Variants in ZBTB10 observed in about 807,000 individuals in gnomAD.
ZBTB10 encodes the protein zinc finger and BTB domain containing 10.
A neutral mutation model predicts 76.4 loss-of-function variants in ZBTB10; 32 were observed. The ratio of observed to expected loss-of-function variants is 0.42; its 90% CI spans 0.32 to 0.56. The LOEUF (loss-of-function observed/expected upper bound fraction) is 0.56, where lower values mean the gene tolerates loss of function less well. Among genes scored for constraint, ZBTB10 ranks in the 20% least tolerant of loss-of-function variants. The probability of loss-of-function intolerance (pLI) is 0.14; values close to 1 mark genes in which losing one functional copy is unlikely to be tolerated. For synonymous variants in ZBTB10, 523 were observed against 432.9 expected, an observed-to-expected ratio of 1.21 and a Z score of -2.58; for missense variants, 1,057 against 1,098.5, an observed-to-expected ratio of 0.96 and a Z score of 0.53.
At position 80,518,431 on chromosome 8, in the gene ZBTB10, G is replaced by T; in HGVS notation, c.1989G>T (p.Leu663Phe). ...AGTSHDFKYG[L>F]MPGPSNDFKY... ...CTTCACATGATTTCAAGTATGGTTT[G>T]ATGCCTGGTCCTTCAAATGATTTCA... Residue 663 changes from leucine to phenylalanine, a missense_variant, in exon 4 of 6, where the codon TTG becomes TTT. Physicochemically the swap from Leu to Phe is conservative, Grantham distance 22. Around this residue, in one of 5 missense-constraint regions of ZBTB10, gnomAD observed 306 missense variants for 297.5 expected, o/e 1.03. Coordinates refer to ENST00000455036, the MANE Select transcript of ZBTB10 (RefSeq NM_001105539.3). 1 of 1,551,812 alleles carries T rather than the reference G, an allele frequency of 6.4e-7. No homozygotes were observed. Among genetic ancestry groups the T allele is most frequent in the East Asian group, 2.4e-5 (1 of 41,270 alleles).
chr8:80,506,474 C>CT (rs1187691431), intron 2 of ZBTB10, among the ~76,000 whole-genome samples: 2 of 151,492 alleles, frequency 1.3e-5, no homozygotes, highest in Non-Finnish European at 2.9e-5. Context: ...GCCACCATGT[C>CT]TGGCCAATTT....
At chr8:80,487,918 G>C in intron 1 of ZBTB10, 136 bp downstream of exon 1, 3 of 1,072,026 alleles carry the variant, frequency 2.8e-6, no homozygotes, top group Non-Finnish European at 3.9e-6. Context: ...CAGTTGAGAG[G>C]TGCGGGAAGC....
chr8:80,497,018 T>A (rs1815799827), intron 1 of ZBTB10, among the ~76,000 whole-genome samples: 1 of 152,204 alleles, frequency 6.6e-6, no homozygotes, highest in Non-Finnish European at 1.5e-5. Flanking sequence ...TTGTAATTTC[T>A]ATAGAGAGCA....
In ZBTB10 at chr8:80,487,097, TC is replaced by T; in HGVS notation, c.292del (p.Gln98LysfsTer18). On this transcript the variant is annotated frameshift_variant, in exon 1 of 6. Coordinates refer to ENST00000455036, the MANE Select transcript of ZBTB10 (RefSeq NM_001105539.3). LOFTEE classifies it high-confidence loss of function. ...GCCGAGGAAGCCAAGGAGTTGCTGCTCCCCCAAGACGCGGGCGGCCCCACCT... is the reference window on the plus strand; with the variant it reads ...GCCGAGGAAGCCAAGGAGTTGCTGCTCCCCAAGACGCGGGCGGCCCCACCT... ...GAAEEAKELL[L>X]PQDAGGPTSL... 1.3e-6 allele frequency: 2 copies of T among 1,516,296 alleles called. No homozygotes were observed. 93.9% of individuals were successfully genotyped at this position (1,516,296 alleles called of 1,614,324 possible).
rs1816262335 is a variant in ZBTB10, at chr8:80,513,943, G to A, written c.1895G>A (p.Gly632Asp). The change falls in exon 3 of 6, where the codon GGT (glycine) becomes GAT (aspartate). Residue 632 changes from glycine to aspartate, a missense_variant. By Grantham distance (94) the Gly-to-Asp change is moderately conservative. Coordinates refer to ENST00000455036, the MANE Select transcript of ZBTB10 (RefSeq NM_001105539.3). ...LDGALLSGPD[G>D]DRNVNANLLA... ...GGTGCTCTACTCTCGGGGCCAGATG[G>A]TGATAGGAATGTGAATGCAAATTTA... 1.2e-6 allele frequency: 2 copies of A among 1,613,616 alleles called. No homozygotes were observed.
chr8:80,493,074 C>T (rs1016794420), intron 1 of ZBTB10, among the ~76,000 whole-genome samples: 2 of 151,618 alleles, frequency 1.3e-5, no homozygotes, highest in Admixed American at 6.6e-5. Context: ...ATAAGCCAGG[C>T]GTGGTGGCAG....
chr8:80,508,268 T>C (rs1362919785), intron 2 of ZBTB10, among the ~76,000 whole-genome samples: 2 of 152,222 alleles, frequency 1.3e-5, no homozygotes, highest in Non-Finnish European at 2.9e-5. Flanking sequence ...AAGTTTTTTA[T>C]AGAACTGAAT....
upstream of ZBTB10, chr8:80,486,054 C>G: frequency 9.5e-7 from 1 of 1,047,662 alleles, no homozygotes; most frequent in South Asian, 1.8e-5. Flanking sequence ...CGGCCGCACC[C>G]CCGCCCCCAG....
intron 2 of ZBTB10, among the ~76,000 whole-genome samples, chr8:80,513,702 C>T (rs1198106286): frequency 2.6e-5 from 4 of 151,986 alleles, no homozygotes; most frequent in African/African-American, 9.7e-5. Context: ...CTAATTTACC[C>T]TGGTTCTACA....
intron 2 of ZBTB10, among the ~76,000 whole-genome samples, chr8:80,510,942 C>T (rs1204236216): frequency 3.3e-5 from 5 of 152,072 alleles, no homozygotes; most frequent in African/African-American, 1.2e-4. Flanking sequence ...TCATTCGTGT[C>T]AATTAAGTGG....
At chr8:80,519,001 T>C (rs1175606222) in intron 5 of ZBTB10, 47 bp downstream of exon 5, 2 of 1,531,414 alleles carry the variant, frequency 1.3e-6, no homozygotes, top group Non-Finnish European at 1.8e-6. Flanking sequence ...ACTATATTTA[T>C]GTCAGTGAAG....
chr8:80,522,319 G>A lies in ZBTB10; in HGVS notation c.*2791G>A, dbSNP rs1050853753. The stretch of plus-strand genomic sequence containing the variant: ...CTGGCAGAATTATGTTACACATTTG[G>A]CGAAGTTGTCTCTTGTAATTTATAT... On this transcript the variant is annotated 3_prime_UTR_variant, in exon 6 of 6. Transcript: ENST00000455036. 1.3e-5 allele frequency: 2 copies of A among 151,752 alleles called. No homozygotes were observed. Among genetic ancestry groups the A allele is most frequent in the Non-Finnish European group, 2.9e-5 (2 of 67,812 alleles). The allele number at this position is 151,752 out of a possible 1,614,324, so 9.4% of individuals were successfully genotyped here. A position where few individuals can be genotyped will look rare whatever the true frequency, so the allele number is the denominator to read the frequency against.
chr8:80,487,292 T>G lies in ZBTB10; in HGVS notation c.482T>G (p.Val161Gly), dbSNP rs185916023. The change falls in exon 1 of 6, where the codon GTG becomes GGG. Residue 161 changes from valine to glycine, a missense_variant. By Grantham distance (109) the Val-to-Gly change is moderately radical (BLOSUM62 -3). This residue lies in a region of ZBTB10 where 556 missense variants were observed against 451.7 expected (regional missense o/e 1.23). Transcript: ENST00000455036. ...TTCAATGGGCGAGGGCCGGCGACTGTGGATCTGGAGCTGGACGCGCTGGAG... is the reference window on the plus strand; with the variant it reads ...TTCAATGGGCGAGGGCCGGCGACTGGGGATCTGGAGCTGGACGCGCTGGAG... The part of the protein sequence containing the change: ...RHFNGRGPAT[V>G]DLELDALEGK... The G allele has an allele frequency of 4.9e-3, 7,584 of 1,548,806 alleles. 28 individuals are homozygous for G. The highest frequency in any genetic ancestry group is 6.1e-3 in the Non-Finnish European group (6,952 of 1,146,736).
Position 80,520,078 on chromosome 8 carries a change from C to T in ZBTB10, c.*550C>T, listed in dbSNP as rs948613833. 62 of 152,376 alleles carry T rather than the reference C, an allele frequency of 4.1e-4. No individual in the cohort carries two copies. Among genetic ancestry groups the T allele is most frequent in the African/African-American group, 1.4e-3 (56 of 41,384 alleles). 9.4% of individuals were successfully genotyped at this position (152,376 alleles called of 1,614,324 possible). A position where few individuals can be genotyped will look rare whatever the true frequency, so the allele number is the denominator to read the frequency against. ...TTTTTCCATTTAATTTGCTTCATAA[C>T]TTAAACCAAGTCTCTTCTAGTCTTA... On this transcript the variant is annotated 3_prime_UTR_variant, in exon 6 of 6. Coordinates refer to ENST00000455036, the MANE Select transcript of ZBTB10 (RefSeq NM_001105539.3).
rs573781180 is a variant in ZBTB10 at position 80,493,273 on chromosome 8, T to C, written c.972+5491T>C. On this transcript the variant is annotated intron_variant, in intron 1 of 5. Coordinates refer to ENST00000455036, the MANE Select transcript of ZBTB10 (RefSeq NM_001105539.3). ...CTGAGGAAAGTGAAGAATGGTATCT[T>C]AGAGAAGGGAGAGTTTGGTTGCTGT... Among the ~76,000 whole-genome samples, 7 of 149,190 alleles carry C rather than the reference T, an allele frequency of 4.7e-5. No individual in the cohort carries two copies. In the East Asian group the frequency reaches 1.4e-3, roughly 30 times the overall value.
chr8:80,492,729 G>A (rs998745683), intron 1 of ZBTB10, among the ~76,000 whole-genome samples: 2 of 151,836 alleles, frequency 1.3e-5, no homozygotes, highest in Non-Finnish European at 2.9e-5. Flanking sequence ...TGCCCACCTC[G>A]GCCTCCGAGA....
chr8:80,495,021 C>T (rs1815745239), intron 1 of ZBTB10, among the ~76,000 whole-genome samples: 2 of 152,012 alleles, frequency 1.3e-5, no homozygotes, highest in Non-Finnish European at 2.9e-5. Flanking sequence ...CTGCCATAGG[C>T]ATCTCTCCTC....
In ZBTB10 at chr8:80,487,064, C is replaced by T; in HGVS notation, c.254C>T (p.Ala85Val). The T allele has an allele frequency of 6.6e-7, 1 of 1,515,664 alleles. No individual in the cohort carries two copies. Among genetic ancestry groups the T allele is most frequent in the Non-Finnish European group, 8.8e-7 (1 of 1,138,816 alleles). 93.9% of individuals were successfully genotyped at this position (1,515,664 alleles called of 1,614,324 possible). Residue 85 changes from alanine to valine, a missense_variant, in exon 1 of 6, where the codon GCC becomes GTC. Transcript: ENST00000455036. ...QDLEASAGPAAGAAEEAKELL... is the reference protein window; with the variant it reads ...QDLEASAGPAVGAAEEAKELL... Reference sequence around the variant, plus strand: ...CTGGAGGCCTCCGCCGGGCCGGCCGCCGGCGCCGCCGAGGAAGCCAAGGAG... The same window carrying T: ...CTGGAGGCCTCCGCCGGGCCGGCCGTCGGCGCCGCCGAGGAAGCCAAGGAG...
intron 2 of ZBTB10, among the ~76,000 whole-genome samples, chr8:80,513,101 C>A (rs1012187431): frequency 1.1e-4 from 17 of 152,044 alleles, no homozygotes; most frequent in African/African-American, 3.6e-4. Context: ...CTGTTTCACT[C>A]CCATGGTTTT....
Sources: gnomAD v4.1 joint callset for allele counts (sites outside exome capture counted in the v4.1 genomes callset) on GRCh38, gnomAD v4.1.1 for gene constraint, gnomAD v4.1.1 regional missense constraint, MANE v1.5 for transcripts, NCBI Gene and HGNC (gene_info 2026-07-23, HGNC 2026-07-21) for gene names.